GALNT18: variants seen among roughly 807,000 people sequenced by gnomAD.
GALNT18 encodes polypeptide N-acetylgalactosaminyltransferase 18.
A neutral mutation model predicts 69.5 loss-of-function variants in GALNT18; 44 were observed. The ratio of observed to expected loss-of-function variants is 0.63; its 90% CI spans 0.50 to 0.81. The LOEUF is 0.81. Ranked by LOEUF, GALNT18 falls within the 40% of genes least tolerant of loss-of-function variation. The pLI is 0.00. For missense variants in GALNT18, 715 were observed against 810.0 expected (o/e 0.88, Z 1.42); for synonymous variants, 364 against 318.2 (o/e 1.14, Z -1.53).
chr11:11,454,387 C>T lies in GALNT18; in HGVS notation c.236-5451G>A, dbSNP rs2133828230. 6.6e-6 allele frequency among the ~76,000 whole-genome samples: 1 copy of T among 152,208 alleles called. No homozygotes were observed. The highest frequency in any genetic ancestry group is 3.4e-3 in the Middle Eastern group (1 of 292). ...GTAAATCTCTTATACCAGAGAATTA[C>T]CAGGCTTCTCTCCCAAGTATCCAGA... On this transcript the variant is annotated intron_variant, in intron 1 of 10. Transcript: ENST00000227756. This position sits in a 1 kb window ranked among gnomAD's most constrained non-coding sequence, Gnocchi z 4.2.
In GALNT18 at chr11:11,383,597, T is replaced by C. The variant is rs774025058; in HGVS notation, c.596-4333A>G. Among the ~76,000 whole-genome samples the C allele has an allele frequency of 1.3e-4, 20 of 152,160 alleles. No individual in the cohort carries two copies. The highest frequency in any genetic ancestry group is 2.6e-4 in the Non-Finnish European group (18 of 68,032). ...ACATCTTCTCTAGGTTTTGGGGACA[T>C]AGAAATGAAGTGAGAGTTCACCCAT... is the stretch of plus-strand genomic sequence containing the variant. On this transcript the variant is annotated intron_variant, in intron 3 of 10. Coordinates refer to ENST00000227756, the MANE Select transcript of GALNT18 (RefSeq NM_198516.3). The surrounding 1 kb of genome is among the most constrained non-coding windows in gnomAD (Gnocchi z 5.2).
chr11:11,282,239 ACT>A (rs1849095799), intron 10 of GALNT18, among the ~76,000 whole-genome samples: 2 of 151,846 alleles, frequency 1.3e-5, no homozygotes, highest in South Asian at 4.2e-4. Flanking sequence ...CCTTTCCCAC[ACT>A]CAGTGCCTTC....
At chr11:11,312,113 T>G (rs1439697522) in intron 9 of GALNT18, among the ~76,000 whole-genome samples, 2 of 151,034 alleles carry the variant, frequency 1.3e-5, no homozygotes, top group African/African-American at 4.8e-5. Flanking sequence ...CCTGCCACCA[T>G]GCCTGGCTAA....
chr11:11,458,669 C>A (rs1855973619), intron 1 of GALNT18, among the ~76,000 whole-genome samples: 1 of 152,260 alleles, frequency 6.6e-6, no homozygotes, highest in Non-Finnish European at 1.5e-5. Context: ...GCAGGACTCA[C>A]ACCACCATGC....
intron 1 of GALNT18, among the ~76,000 whole-genome samples, chr11:11,490,269 A>G (rs1856740419): frequency 7.4e-6 from 1 of 134,294 alleles, no homozygotes; most frequent in South Asian, 2.4e-4. Context: ...ACACACACAC[A>G]CTCCTTCCAC....
chr11:11,398,063 T>C (rs1047964363), intron 3 of GALNT18, among the ~76,000 whole-genome samples: 2 of 152,240 alleles, frequency 1.3e-5, no homozygotes, highest in Non-Finnish European at 2.9e-5. Context: ...CCACACATTA[T>C]AGGCATTATT....
chr11:11,377,289 T>C lies in GALNT18; in HGVS notation c.870A>G (p.Ile290Met). The stretch of plus-strand genomic sequence containing the variant: ...CCTGGGCAGCCAGCGGGTACTCTTC[T>C]ATCTCAAAGTTGTCATATTTGATGT... ...FDNIKYDNFE[I>M]EEYPLAAQGF... The change falls in exon 5 of 11, where the codon ATA (isoleucine) becomes ATG (methionine). Residue 290 changes from isoleucine (I) to methionine (M), a missense_variant. Transcript: ENST00000227756. The surrounding 1 kb of genome is among the most constrained non-coding windows in gnomAD (Gnocchi z 4.6). 6.2e-7 allele frequency: 1 copy of C among 1,613,998 alleles called. No homozygotes were observed. The highest frequency in any genetic ancestry group is 8.5e-7 in the Non-Finnish European group (1 of 1,179,998).
chr11:11,612,521 A>G (rs1020365255), intron 1 of GALNT18, among the ~76,000 whole-genome samples: 2 of 152,342 alleles, frequency 1.3e-5, no homozygotes, highest in Middle Eastern at 3.4e-3. Context: ...CCGCTAGCAC[A>G]ACATTTATTA....
intron 2 of GALNT18, among the ~76,000 whole-genome samples, chr11:11,448,366 G>A (rs1389013575): frequency 6.6e-6 from 1 of 152,164 alleles, no homozygotes; most frequent in Non-Finnish European, 1.5e-5. Flanking sequence ...GTAACGACTT[G>A]TTAGCCCCAC....
At chr11:11,477,346 C>T (rs2133863333) in intron 1 of GALNT18, among the ~76,000 whole-genome samples, 1 of 152,302 alleles carries the variant, frequency 6.6e-6, no homozygotes, top group Non-Finnish European at 1.5e-5. Flanking sequence ...AAGCTGAGGC[C>T]CTGGCTCTAT....
At chr11:11,327,245 C>T (rs1849939032) in intron 8 of GALNT18, 64 bp from the exon 9 acceptor site, 3 of 1,214,380 alleles carry the variant, frequency 2.5e-6, no homozygotes, top group Non-Finnish European at 3.7e-6. Flanking sequence ...AATGAATTAA[C>T]TCTGGAGAAA....
rs112420040 is a variant in GALNT18 at position 11,315,606 on chromosome 11, T to A, written c.1512+11480A>T. Among the ~76,000 whole-genome samples the A allele has an allele frequency of 0.072, 10,973 of 152,196 alleles. 430 individuals are homozygous for A. The highest frequency in any genetic ancestry group is 0.12 in the South Asian group (591 of 4,820). ...CTCTTGGGTGAGGCATAGTAACACC[T>A]ACCATCACCATCACATGTGGGGCAC... On this transcript the variant is annotated intron_variant, in intron 9 of 10. Transcript: ENST00000227756. The surrounding 1 kb of genome is among the most constrained non-coding windows in gnomAD (Gnocchi z 5.6).
chr11:11,358,770 A>G (rs1031273328), intron 6 of GALNT18, among the ~76,000 whole-genome samples: 2 of 136,288 alleles, frequency 1.5e-5, no homozygotes, highest in African/African-American at 5.5e-5. Flanking sequence ...AGGGATTCCA[A>G]TTCATGACAC....
intron 3 of GALNT18, among the ~76,000 whole-genome samples, chr11:11,414,683 C>G (rs146996979): frequency 2.1e-3 from 315 of 152,324 alleles, no homozygotes; most frequent in Non-Finnish European, 3.7e-3. Context: ...GTCTCCCACA[C>G]TACGCTGGGA....
chr11:11,488,875 A>G (rs1856698908), intron 1 of GALNT18, among the ~76,000 whole-genome samples: 1 of 152,224 alleles, frequency 6.6e-6, no homozygotes, highest in Non-Finnish European at 1.5e-5. Context: ...AAAAGCCAAG[A>G]GCTTTAACCT....
intron 1 of GALNT18, among the ~76,000 whole-genome samples, chr11:11,473,033 G>A (rs1564966633): frequency 6.6e-6 from 1 of 151,988 alleles, no homozygotes; most frequent in Non-Finnish European, 1.5e-5. Context: ...GCAAGCAGGA[G>A]GCAGGGGTGC....
chr11:11,380,237 A>G (rs76714496), intron 3 of GALNT18, among the ~76,000 whole-genome samples: 29,953 of 152,142 alleles, frequency 0.2, 3,162 homozygotes, highest in Middle Eastern at 0.3. Context: ...CATGAGTCCA[A>G]TGGGACCTAT....
At chr11:11,280,548 C>T (rs1473515592) in intron 10 of GALNT18, among the ~76,000 whole-genome samples, 2 of 152,208 alleles carry the variant, frequency 1.3e-5, no homozygotes, top group African/African-American at 2.4e-5. Context: ...TTCCTCCACA[C>T]CTTCCCTTCC....
rs1853958987 is a variant in GALNT18, at chr11:11,383,015, T to C, written c.596-3751A>G. ...GGGCCAGGTGTCATCCTGCTTATGTTGCTACTTCAGCTCTCTCCTACTGTC... is the reference window on the plus strand; with the variant it reads ...GGGCCAGGTGTCATCCTGCTTATGTCGCTACTTCAGCTCTCTCCTACTGTC... On this transcript the variant is annotated intron_variant, in intron 3 of 10. Coordinates refer to ENST00000227756, the MANE Select transcript of GALNT18 (RefSeq NM_198516.3). This position sits in a 1 kb window ranked among gnomAD's most constrained non-coding sequence, Gnocchi z 5.2. Among the ~76,000 whole-genome samples the C allele has an allele frequency of 6.6e-6, 1 of 152,194 alleles. No individual in the cohort carries two copies. Among genetic ancestry groups the C allele is most frequent in the African/African-American group, 2.4e-5 (1 of 41,450 alleles).
Sources: gnomAD v4.1 joint callset for allele counts (sites outside exome capture counted in the v4.1 genomes callset) on GRCh38, gnomAD v4.1.1 for gene constraint, Gnocchi (gnomAD v3.1) non-coding constraint, MANE v1.5 for transcripts, NCBI Gene and HGNC (gene_info 2026-07-23, HGNC 2026-07-21) for gene names.